Variants in THADA observed in about 807,000 individuals in gnomAD.
THADA encodes tRNA (32-2'-O)-methyltransferase regulator THADA.
A neutral mutation model predicts 219.8 loss-of-function variants in THADA; 213 were observed. The ratio of observed to expected loss-of-function variants is 0.97; its 90% CI spans 0.87 to 1.09. THADA has a LOEUF of 1.09. THADA is among the 50% of genes least tolerant of loss of function. The pLI, the probability that THADA is intolerant of heterozygous loss-of-function variation, is 0.00. For synonymous variants in THADA, 1,018 were observed against 828.9 expected (o/e 1.23, Z -3.92); for missense variants, 2,956 against 2,311.3 (o/e 1.28, Z -5.72).
intron 16 of THADA, among the ~76,000 whole-genome samples, chr2:43,558,141 T>C (rs887999529): frequency 1.3e-5 from 2 of 152,196 alleles, no homozygotes; most frequent in Non-Finnish European, 2.9e-5. Context: ...AATCGAAGTA[T>C]AATATGACAA....
At chr2:43,322,585 T>G (rs963344962) in intron 30 of THADA, among the ~76,000 whole-genome samples, 7 of 151,592 alleles carry the variant, frequency 4.6e-5, no homozygotes, top group Non-Finnish European at 8.8e-5. Flanking sequence ...TGAAATCCCT[T>G]TTCCACAACC....
chr2:43,548,184 T>A (rs1199723712), intron 20 of THADA, among the ~76,000 whole-genome samples: 1 of 152,148 alleles, frequency 6.6e-6, no homozygotes, highest in East Asian at 1.9e-4. Flanking sequence ...ACAGCGGATT[T>A]TTGTGAACCG....
In THADA at chr2:43,574,367, C is replaced by T. The variant is rs1406066543; in HGVS notation, c.1698G>A (p.Lys566=). Residue 566 remains lysine (K), a synonymous_variant, in exon 11 of 38, where the codon AAG becomes AAA. Coordinates refer to ENST00000405975, the MANE Select transcript of THADA (RefSeq NM_022065.5). The stretch of plus-strand genomic sequence containing the variant: ...TAGCATCAATAGAAGTCTGAAGAAT[C>T]TTTACCATGTACTGTAAGCTTTCAG... ...YSPESLQYMV[K]ILQTSIDAKT... 1.9e-6 allele frequency: 3 copies of T among 1,588,244 alleles called. No homozygotes were observed. The highest frequency in any genetic ancestry group is 2.6e-6 in the Non-Finnish European group (3 of 1,169,820).
intron 34 of THADA, among the ~76,000 whole-genome samples, chr2:43,289,914 A>T (rs1208217345): frequency 6.6e-6 from 1 of 150,974 alleles, no homozygotes; most frequent in African/African-American, 2.4e-5. Context: ...TCAGCCTCCC[A>T]AAGTGCTAGG....
chr2:43,530,260 G>A (rs1197605183), intron 21 of THADA, among the ~76,000 whole-genome samples: 1 of 152,064 alleles, frequency 6.6e-6, no homozygotes, highest in Non-Finnish European at 1.5e-5. Flanking sequence ...ATCTTTTAAA[G>A]ACCACATACT....
intron 3 of THADA, among the ~76,000 whole-genome samples, chr2:43,591,311 T>C (rs574014190): frequency 6.6e-6 from 1 of 152,222 alleles, no homozygotes; most frequent in Non-Finnish European, 1.5e-5. Context: ...GGTAAGAGAG[T>C]GAGACCCTAT....
At chr2:43,414,782 G>A (rs1013151128) in intron 28 of THADA, among the ~76,000 whole-genome samples, 2 of 152,150 alleles carry the variant, frequency 1.3e-5, no homozygotes, top group African/African-American at 2.4e-5. Flanking sequence ...TTTATCAGCA[G>A]GGTCTTTTAT....
intron 28 of THADA, among the ~76,000 whole-genome samples, chr2:43,401,283 C>T (rs1674801547): frequency 6.6e-6 from 1 of 152,060 alleles, no homozygotes; most frequent in Admixed American, 6.6e-5. Flanking sequence ...AGACATGACA[C>T]TTTTTCTTTT....
intron 24 of THADA, among the ~76,000 whole-genome samples, chr2:43,504,874 ACT>A (rs1689464566): frequency 6.6e-6 from 1 of 152,098 alleles, no homozygotes; most frequent in African/African-American, 2.4e-5. Flanking sequence ...ACAGAGTGAG[ACT>A]CTGTCTCAAA....
intron 12 of THADA, among the ~76,000 whole-genome samples, chr2:43,572,589 G>C (rs1489337532): frequency 6.6e-6 from 1 of 152,142 alleles, no homozygotes; most frequent in Non-Finnish European, 1.5e-5. Flanking sequence ...TCAGTTCTAA[G>C]AGTTTCCAGT....
chr2:43,501,353 G>C (rs1479418609), intron 24 of THADA, among the ~76,000 whole-genome samples: 1 of 133,546 alleles, frequency 7.5e-6, no homozygotes. Flanking sequence ...AGACTTTTAT[G>C]GGAATTAGTT....
intron 36 of THADA, among the ~76,000 whole-genome samples, chr2:43,240,689 C>A (rs567592420): frequency 1.3e-5 from 2 of 152,266 alleles, no homozygotes; most frequent in East Asian, 1.9e-4. Context: ...CCCAGCTGAC[C>A]CCTACTGGAG....
intron 31 of THADA, among the ~76,000 whole-genome samples, chr2:43,313,787 C>T (rs1196715095): frequency 2.6e-5 from 4 of 152,220 alleles, no homozygotes; most frequent in East Asian, 1.9e-4. Flanking sequence ...GTTGAGTCCA[C>T]GAAGAGGGTT....
intron 22 of THADA, among the ~76,000 whole-genome samples, chr2:43,510,297 A>C (rs749415113): frequency 6.6e-6 from 1 of 152,174 alleles, no homozygotes. Context: ...AACTTTGATC[A>C]CTATTGAATT....
chr2:43,467,234 T>A (rs1411393545), intron 26 of THADA, among the ~76,000 whole-genome samples: 1 of 149,032 alleles, frequency 6.7e-6, no homozygotes, highest in East Asian at 1.9e-4. Context: ...TTGGCAGAAC[T>A]TTGTTACTTT....
chr2:43,288,217 A>G (rs1027066496), intron 34 of THADA, among the ~76,000 whole-genome samples: 4 of 152,232 alleles, frequency 2.6e-5, no homozygotes, highest in African/African-American at 9.6e-5. Context: ...TCAGGCGTTC[A>G]GGACCAGCCA....
intron 26 of THADA, among the ~76,000 whole-genome samples, chr2:43,478,973 C>T (rs1325318196): frequency 1.3e-5 from 2 of 151,990 alleles, no homozygotes; most frequent in Non-Finnish European, 2.9e-5. Context: ...TGTACTTTAC[C>T]TCTCAGTCTC....
At chr2:43,450,033 T>A (rs1177028909) in intron 26 of THADA, among the ~76,000 whole-genome samples, 2 of 151,250 alleles carry the variant, frequency 1.3e-5, no homozygotes, top group African/African-American at 4.9e-5. Flanking sequence ...ATAAAAAGAG[T>A]CCTGAAAGCT....
rs1241029766 is a variant in THADA at position 43,286,559 on chromosome 2, G to A, written c.5164+349C>T. On this transcript the variant is annotated intron_variant, in intron 35 of 37. Transcript: ENST00000405975. ...AGTTCGAGACCAGCCTGGCCAATAT[G>A]GTGAAAACTCATCTCTACTAAAAAT... 2.0e-5 allele frequency among the ~76,000 whole-genome samples: 3 copies of A among 151,984 alleles called. No individual in the cohort carries two copies. In the East Asian group the frequency reaches 5.8e-4, roughly 29 times the overall value.
Sources: allele counts gnomAD v4.1 joint callset (sites outside exome capture counted in the v4.1 genomes callset), GRCh38; gene constraint gnomAD v4.1.1; transcripts MANE v1.5; gene names NCBI Gene and HGNC (gene_info 2026-07-23, HGNC 2026-07-21).